The following RAPGEF6 variants were observed in gnomAD, a reference collection of about 807,000 sequenced individuals.
The protein encoded by RAPGEF6 is Rap guanine nucleotide exchange factor 6.
A neutral mutation model predicts 171.4 loss-of-function variants in RAPGEF6; 56 were observed. The ratio of observed to expected loss-of-function variants is 0.33; its 90% CI spans 0.26 to 0.41. RAPGEF6 has a LOEUF of 0.41. Among genes scored for constraint, RAPGEF6 ranks in the 10% least tolerant of loss-of-function variants. The probability of loss-of-function intolerance (pLI) is 1.00; values close to 1 mark genes in which losing one functional copy is unlikely to be tolerated. For synonymous variants in RAPGEF6, 692 were observed against 650.1 expected (o/e 1.06, Z -0.98); for missense variants, 1,674 against 1,921.4 (o/e 0.87, Z 2.41).
chr5:131,574,839 T>C (rs1408150004), intron 4 of RAPGEF6, among the ~76,000 whole-genome samples: 1 of 151,980 alleles, frequency 6.6e-6, no homozygotes, highest in Non-Finnish European at 1.5e-5. Context: ...TAATCACCCT[T>C]ACCCCGCTCA....
In RAPGEF6 at chr5:131,427,301, A is replaced by C. The variant is rs778152022; in HGVS notation, c.4781-10T>G. The C allele has an allele frequency of 5.6e-6, 9 of 1,595,336 alleles. No individual in the cohort carries two copies. The highest frequency in any genetic ancestry group is 2.7e-5 in the African/African-American group (2 of 74,516). ...GAAACTTGTTCATTTTCTGAAAATA[A>C]AAAATATATAATTAACTGGCAGATC... On this transcript the variant is annotated splice_polypyrimidine_tract_variant and intron_variant, in intron 27 of 27. Transcript: ENST00000509018.
intron 6 of RAPGEF6, among the ~76,000 whole-genome samples, chr5:131,547,253 A>G (rs1035422583): frequency 2.6e-5 from 4 of 152,190 alleles, no homozygotes; most frequent in African/African-American, 9.6e-5. Flanking sequence ...AAAACTAAAC[A>G]CATCCTTGGG....
chr5:131,593,197 C>T (rs778872611), intron 3 of RAPGEF6, among the ~76,000 whole-genome samples: 1 of 143,744 alleles, frequency 7.0e-6, no homozygotes, highest in Non-Finnish European at 1.5e-5. Context: ...CTTACTAATA[C>T]TACAAATCAA....
intron 4 of RAPGEF6, among the ~76,000 whole-genome samples, chr5:131,574,661 A>G (rs1169863346): frequency 1.3e-5 from 2 of 151,972 alleles, no homozygotes; most frequent in East Asian, 3.9e-4. Flanking sequence ...TGTTTCCCTG[A>G]CTATTCCTGG....
Position 131,461,702 on chromosome 5 carries a change from T to G in RAPGEF6, c.2864+3A>C. ...ACATTTGTACCTATTTGTACCAACT[T>G]ACCTTATTATTGCAAACATGGAATT... On this transcript the variant is annotated splice_donor_region_variant and intron_variant, in intron 19 of 27. Transcript: ENST00000509018. 6.3e-7 allele frequency: 1 copy of G among 1,592,018 alleles called. No individual in the cohort carries two copies. Among genetic ancestry groups the G allele is most frequent in the Non-Finnish European group, 8.6e-7 (1 of 1,164,652 alleles).
intron 6 of RAPGEF6, among the ~76,000 whole-genome samples, chr5:131,545,099 A>G (rs1393868840): frequency 6.6e-6 from 1 of 152,208 alleles, no homozygotes; most frequent in Non-Finnish European, 1.5e-5. Context: ...ACGGAGCTTC[A>G]AAAATGTTAT....
intron 7 of RAPGEF6, among the ~76,000 whole-genome samples, chr5:131,513,662 AGGAAC>A (rs1757888101): frequency 1.3e-5 from 2 of 152,198 alleles, no homozygotes; most frequent in Non-Finnish European, 2.9e-5. Flanking sequence ...GAACTTTTTT[AGGAAC>A]CTTTTAATAC....
intron 9 of RAPGEF6, among the ~76,000 whole-genome samples, chr5:131,507,201 G>A (rs1285331645): frequency 6.8e-6 from 1 of 147,034 alleles, no homozygotes; most frequent in East Asian, 1.9e-4. Flanking sequence ...ATGAAATTAT[G>A]TAATTATATA....
intron 27 of RAPGEF6, 75 bp from the exon 28 acceptor site, chr5:131,427,366 A>G: frequency 7.8e-7 from 1 of 1,283,364 alleles, no homozygotes; most frequent in South Asian, 1.3e-5. Context: ...TTATCTATTT[A>G]GAAAATCAAT....
intron 4 of RAPGEF6, among the ~76,000 whole-genome samples, chr5:131,585,233 A>G (rs1763176943): frequency 6.6e-6 from 1 of 150,898 alleles, no homozygotes. Context: ...TAGACTACAG[A>G]TTTAACTGTG....
At chr5:131,554,802 C>T (rs1040427511) in intron 5 of RAPGEF6, among the ~76,000 whole-genome samples, 1 of 152,082 alleles carries the variant, frequency 6.6e-6, no homozygotes, top group Non-Finnish European at 1.5e-5. Context: ...CAGGAGGGAG[C>T]CACTGTGCCT....
chr5:131,625,811 CAA>C (rs36057060), intron 1 of RAPGEF6, among the ~76,000 whole-genome samples: 3 of 113,694 alleles, frequency 2.6e-5, no homozygotes, highest in Non-Finnish European at 3.4e-5. Context: ...GACTCCGTCT[CAA>C]AAAAAAAAAA....
At chr5:131,469,276 G>A (rs905025436) in intron 17 of RAPGEF6, among the ~76,000 whole-genome samples, 6 of 152,144 alleles carry the variant, frequency 3.9e-5, no homozygotes, top group African/African-American at 1.4e-4. Flanking sequence ...ACTAAATTCT[G>A]AGGAGTGGAA....
chr5:131,628,102 T>C (rs533190332), intron 1 of RAPGEF6, among the ~76,000 whole-genome samples: 1 of 152,256 alleles, frequency 6.6e-6, no homozygotes, highest in South Asian at 2.1e-4. Context: ...CCCCTAAGTG[T>C]TCAAGTGAAA....
At chr5:131,497,875 A>G (rs1345261476) in intron 12 of RAPGEF6, among the ~76,000 whole-genome samples, 3 of 152,258 alleles carry the variant, frequency 2.0e-5, no homozygotes, top group Non-Finnish European at 2.9e-5. Flanking sequence ...GTGCAAACAT[A>G]TCCCATGAAA....
Position 131,570,687 on chromosome 5 carries a change from T to A in RAPGEF6, c.282-8640A>T, listed in dbSNP as rs1762225076. ...TTATGCTAAATGAAAAAAACTAGATTAAAAAACTATACAACATATTCCATT... is the reference window on the plus strand; with the variant it reads ...TTATGCTAAATGAAAAAAACTAGATAAAAAAACTATACAACATATTCCATT... On this transcript the variant is annotated intron_variant, in intron 4 of 27. Coordinates refer to ENST00000509018, the MANE Select transcript of RAPGEF6 (RefSeq NM_016340.6). Among the ~76,000 whole-genome samples the A allele has an allele frequency of 2.6e-5, 4 of 152,150 alleles. No homozygotes were observed. The South Asian group carries it at 8.3e-4, about 32-fold the overall frequency.
intron 23 of RAPGEF6, chr5:131,440,088 C>T (rs540801592): frequency 5.1e-5 from 20 of 390,548 alleles, no homozygotes; most frequent in South Asian, 3.3e-4. Flanking sequence ...GGTGGCCTCT[C>T]CAAGTCGGGG....
At position 131,528,312 on chromosome 5, in the gene RAPGEF6, A is replaced by ATATT. The variant is rs1410723257; in HGVS notation, c.496-6792_496-6791insAATA. Among the ~76,000 whole-genome samples the ATATT allele has an allele frequency of 8.2e-4, 33 of 40,294 alleles. 1 individual carries two copies. The highest frequency in any genetic ancestry group is 1.7e-3 in the African/African-American group (27 of 15,562). The allele number at this position is 40,294 out of a possible 152,430, so 26.4% of individuals were successfully genotyped here. A position where few individuals can be genotyped will look rare whatever the true frequency, so the allele number is the denominator to read the frequency against. Reference sequence around the variant, plus strand: ...AAATAAAATAAAATAATATATTTATATTATATATATATATATATATATATA... The same window carrying ATATT: ...AAATAAAATAAAATAATATATTTATATATTTTATATATATATATATATATATATA... On this transcript the variant is annotated intron_variant, in intron 6 of 27. Transcript: ENST00000509018.
intron 6 of RAPGEF6, among the ~76,000 whole-genome samples, chr5:131,528,983 G>T (rs1759180075): frequency 6.6e-6 from 1 of 152,146 alleles, no homozygotes; most frequent in Non-Finnish European, 1.5e-5. Context: ...GCACCTCAAA[G>T]AAGGAAATAG....
Sources: gnomAD v4.1 joint callset for allele counts (sites outside exome capture counted in the v4.1 genomes callset) on GRCh38, gnomAD v4.1.1 for gene constraint, MANE v1.5 for transcripts, NCBI Gene and HGNC (gene_info 2026-07-23, HGNC 2026-07-21) for gene names.